The following REDIC1 variants were observed in gnomAD, a reference collection of about 807,000 sequenced individuals.
The protein encoded by REDIC1 is regulator of DNA class I crossover intermediates 1.
chr12:39,666,676 G>T, the REDIC1 span, among the ~76,000 whole-genome samples: 1 of 152,112 alleles, frequency 6.6e-6, no homozygotes, highest in Non-Finnish European at 1.5e-5. Context: ...GTAGAATTCG[G>T]CTGTGAATCC....
chr12:39,626,844 T>C, the REDIC1 span, among the ~76,000 whole-genome samples: 2 of 152,228 alleles, frequency 1.3e-5, no homozygotes, highest in African/African-American at 4.8e-5. Flanking sequence ...TAGTTTGTAT[T>C]TTAAGGGGAA....
At chr12:39,678,460 A>G in the REDIC1 span, among the ~76,000 whole-genome samples, 1 of 151,326 alleles carries the variant, frequency 6.6e-6, no homozygotes, top group Non-Finnish European at 1.5e-5. Flanking sequence ...CTTGCCAACA[A>G]AAAAAAAGTC....
the REDIC1 span, among the ~76,000 whole-genome samples, chr12:39,907,408 A>G: frequency 1.8e-3 from 272 of 152,270 alleles, 2 homozygotes; most frequent in Non-Finnish European, 2.6e-3. Context: ...TCCATAATTT[A>G]TAAGACTCCA....
the REDIC1 span, chr12:39,721,534 A>G: frequency 7.2e-6 from 2 of 276,364 alleles, no homozygotes; most frequent in Middle Eastern, 1.1e-3. Flanking sequence ...GTGATTATTC[A>G]GTATATTACA....
At chr12:39,754,855 T>C in the REDIC1 span, among the ~76,000 whole-genome samples, 1 of 152,068 alleles carries the variant, frequency 6.6e-6, no homozygotes, top group Non-Finnish European at 1.5e-5. Context: ...TAAAATATTT[T>C]TAAAAGATGA....
At chr12:39,665,657 C>T in the REDIC1 span, among the ~76,000 whole-genome samples, 1 of 149,922 alleles carries the variant, frequency 6.7e-6, no homozygotes, top group African/African-American at 2.5e-5. Context: ...TATAAATTAC[C>T]TTGGGCAGTA....
At chr12:39,703,040 C>G in the REDIC1 span, among the ~76,000 whole-genome samples, 1 of 152,190 alleles carries the variant, frequency 6.6e-6, no homozygotes, top group Non-Finnish European at 1.5e-5. Flanking sequence ...GGGATGCCCT[C>G]TCTCACCACT....
At chr12:39,654,886 A>C in the REDIC1 span, among the ~76,000 whole-genome samples, 1 of 152,106 alleles carries the variant, frequency 6.6e-6, no homozygotes, top group East Asian at 1.9e-4. Flanking sequence ...TTTAGTGAGA[A>C]CACTTAATTA....
At chr12:39,823,490 T>C in the REDIC1 span, among the ~76,000 whole-genome samples, 5 of 152,216 alleles carry the variant, frequency 3.3e-5, no homozygotes, top group African/African-American at 1.2e-4. Context: ...TGCTATTTGA[T>C]ATAGTTTTGT....
the REDIC1 span, among the ~76,000 whole-genome samples, chr12:39,644,917 G>A: frequency 6.6e-6 from 1 of 151,856 alleles, no homozygotes; most frequent in African/African-American, 2.4e-5. Flanking sequence ...TGGAAGAAAT[G>A]GCTAAACTTG....
the REDIC1 span, among the ~76,000 whole-genome samples, chr12:39,767,208 C>G: frequency 3.0e-4 from 45 of 152,084 alleles, no homozygotes; most frequent in African/African-American, 9.2e-4. Flanking sequence ...GCTGTGTTAG[C>G]AGGTATGAAA....
the REDIC1 span, among the ~76,000 whole-genome samples, chr12:39,772,265 C>T: frequency 2.6e-5 from 4 of 152,070 alleles, no homozygotes; most frequent in Admixed American, 6.6e-5. Context: ...TAACTTTGGC[C>T]AAGTTACTTA....
At chr12:39,722,353 A>G in the REDIC1 span, among the ~76,000 whole-genome samples, 2 of 152,240 alleles carry the variant, frequency 1.3e-5, no homozygotes, top group African/African-American at 4.8e-5. Flanking sequence ...TTAATGATCA[A>G]CTCATGGAAG....
At chr12:39,714,068 T>TATGTATATATGTAC in the REDIC1 span, among the ~76,000 whole-genome samples, 9 of 149,384 alleles carry the variant, frequency 6.0e-5, no homozygotes, top group East Asian at 2.0e-4. Flanking sequence ...CGTATGTGTA[T>TATGTATATATGTAC]ATACGTGTAT....
chr12:39,665,869 G>C, the REDIC1 span, among the ~76,000 whole-genome samples: 3 of 152,038 alleles, frequency 2.0e-5, no homozygotes, highest in African/African-American at 7.2e-5. Context: ...ATTTGGCTCT[G>C]TTTGTCTGTT....
the REDIC1 span, among the ~76,000 whole-genome samples, chr12:39,875,777 C>G: frequency 6.6e-6 from 1 of 152,152 alleles, no homozygotes; most frequent in Non-Finnish European, 1.5e-5. Context: ...TGGGGAGATA[C>G]ATTTAACTTA....
At chr12:39,721,902 T>C in the REDIC1 span, 1 of 152,112 alleles carries the variant, frequency 6.6e-6, no homozygotes, top group East Asian at 1.9e-4. Flanking sequence ...TAAAAAATGA[T>C]TTATGTTACT....
chr12:39,685,022 C>T, the REDIC1 span: 2 of 793,232 alleles, frequency 2.5e-6, no homozygotes, highest in South Asian at 2.3e-5. Context: ...TTAAGCTTAA[C>T]ATTTATTCAT....
chr12:39,682,463 ATTAT>A, the REDIC1 span: 2 of 448,388 alleles, frequency 4.5e-6, no homozygotes, highest in East Asian at 3.9e-5. Flanking sequence ...CCAAAGCAAT[ATTAT>A]TTATTTAAAT....
Sources: allele counts gnomAD v4.1 joint callset (sites outside exome capture counted in the v4.1 genomes callset), GRCh38; gene constraint gnomAD v4.1.1; transcripts MANE v1.5; gene names NCBI Gene and HGNC (gene_info 2026-07-23, HGNC 2026-07-21).